The following ASTN2 variants were observed in gnomAD, a reference collection of about 807,000 sequenced individuals.
The protein encoded by ASTN2 is astrotactin 2, also known as astrotactin-2.
A neutral mutation model predicts 139.8 loss-of-function variants in ASTN2; 54 were observed. The ratio of observed to expected loss-of-function variants is 0.39; its 90% confidence interval spans 0.31 to 0.48. The LOEUF (loss-of-function observed/expected upper bound fraction) is 0.48, where lower values mean the gene tolerates loss of function less well. Ranked by LOEUF, ASTN2 falls within the 20% of genes least tolerant of loss-of-function variation. ASTN2 has a pLI of 0.95. For synonymous variants in ASTN2, 756 were observed against 719.5 expected, an observed-to-expected ratio of 1.05 and a Z score of -0.81; for missense variants, 1,565 against 1,725.1, an observed-to-expected ratio of 0.91 and a Z score of 1.64.
At chr9:116,933,005 C>CAAAAAAAAAAAAAAAAA (rs34505075) in intron 10 of ASTN2, among the ~76,000 whole-genome samples, 1 of 70,054 alleles carries the variant, frequency 1.4e-5, no homozygotes. Flanking sequence ...GACTCTGTCT[C>CAAAAAAAAAAAAAAAAA]AAAAAAAAAA....
chr9:116,478,005 T>G, intron 20 of ASTN2, among the ~76,000 whole-genome samples: 2 of 130,070 alleles, frequency 1.5e-5, no homozygotes. Flanking sequence ...GAGGGGGAAA[T>G]AAAAGGCCAG....
intron 2 of ASTN2, among the ~76,000 whole-genome samples, chr9:117,251,162 C>T (rs1158190447): frequency 6.6e-6 from 1 of 152,138 alleles, no homozygotes; most frequent in Non-Finnish European, 1.5e-5. Flanking sequence ...CTCAAGGTCA[C>T]AAATGGAAAG....
At chr9:116,614,492 C>T (rs1855732289) in intron 19 of ASTN2, among the ~76,000 whole-genome samples, 1 of 152,148 alleles carries the variant, frequency 6.6e-6, no homozygotes. Context: ...GCTACAGTAA[C>T]CAAAACGGCA....
At chr9:116,697,155 T>G (rs2132068105) in intron 16 of ASTN2, among the ~76,000 whole-genome samples, 1 of 152,326 alleles carries the variant, frequency 6.6e-6, no homozygotes, top group African/African-American at 2.4e-5. Flanking sequence ...CATGTTATAC[T>G]TATTCCTTTT....
chr9:116,559,484 T>C (rs1313841887), intron 19 of ASTN2, among the ~76,000 whole-genome samples: 1 of 147,630 alleles, frequency 6.8e-6, no homozygotes, highest in African/African-American at 2.5e-5. Flanking sequence ...TATGGTCTTT[T>C]TTCTTTACTC....
chr9:116,582,659 C>T (rs1341733301), intron 19 of ASTN2: 1 of 152,230 alleles, frequency 6.6e-6, no homozygotes, highest in Non-Finnish European at 1.5e-5. Context: ...AGTACTTTCT[C>T]TGTGCACGAA....
chr9:117,226,428 A>C (rs7043911), intron 2 of ASTN2, among the ~76,000 whole-genome samples: 45,316 of 152,176 alleles, frequency 0.3, 8,120 homozygotes, highest in Middle Eastern at 0.43. Flanking sequence ...GGAATCCAAC[A>C]GTGTCTAGAA....
chr9:117,258,864 G>C (rs1833754559), intron 2 of ASTN2, among the ~76,000 whole-genome samples: 1 of 152,056 alleles, frequency 6.6e-6, no homozygotes, highest in Non-Finnish European at 1.5e-5. Context: ...CCCAGAAAAA[G>C]ACACACCAAA....
chr9:116,725,981 C>CCACACTGGAAAAT, intron 15 of ASTN2, 31 bp from the exon 16 acceptor site: 1 of 1,585,624 alleles, frequency 6.3e-7, no homozygotes, highest in Non-Finnish European at 8.6e-7. Flanking sequence ...TGGAGGTGGT[C>CCACACTGGAAAAT]AGATGTGAGA....
At chr9:116,466,821 T>A (rs879681423) in intron 20 of ASTN2, among the ~76,000 whole-genome samples, 3 of 152,134 alleles carry the variant, frequency 2.0e-5, no homozygotes, top group Non-Finnish European at 4.4e-5. Flanking sequence ...CCATAACCCA[T>A]GATTTGTGGG....
At chr9:117,078,081 G>A (rs1828328001) in intron 5 of ASTN2, among the ~76,000 whole-genome samples, 1 of 152,078 alleles carries the variant, frequency 6.6e-6, no homozygotes, top group Non-Finnish European at 1.5e-5. Context: ...CTCCTTCCCA[G>A]GTGAGCTCCT....
intron 3 of ASTN2, among the ~76,000 whole-genome samples, chr9:117,185,350 G>A (rs944822666): frequency 6.2e-4 from 94 of 152,268 alleles, no homozygotes; most frequent in African/African-American, 2.2e-3. Flanking sequence ...TTTGAAGCAA[G>A]GCACACCAGC....
At chr9:116,489,451 C>A (rs930346060) in intron 19 of ASTN2, among the ~76,000 whole-genome samples, 1 of 152,104 alleles carries the variant, frequency 6.6e-6, no homozygotes, top group Non-Finnish European at 1.5e-5. Flanking sequence ...GTCCTCCCAC[C>A]TCAGCTTCCC....
intron 13 of ASTN2, among the ~76,000 whole-genome samples, chr9:116,795,063 G>A (rs1198419092): frequency 3.3e-5 from 5 of 152,102 alleles, no homozygotes; most frequent in African/African-American, 4.8e-5. Flanking sequence ...TGCAATCTCC[G>A]CCTCCTGGGT....
chr9:117,120,165 G>T (rs1207239340), intron 4 of ASTN2, among the ~76,000 whole-genome samples: 3 of 151,126 alleles, frequency 2.0e-5, no homozygotes, highest in Non-Finnish European at 4.4e-5. Context: ...GGAAGAAGGT[G>T]GTGGCTCATT....
chr9:117,288,693 T>C (rs997808557), intron 2 of ASTN2, among the ~76,000 whole-genome samples: 2 of 152,174 alleles, frequency 1.3e-5, no homozygotes, highest in African/African-American at 4.8e-5. Context: ...CTCTTTTTGT[T>C]CTTGCTGCAT....
At chr9:116,445,285 C>G (rs932551784) in intron 20 of ASTN2, among the ~76,000 whole-genome samples, 1 of 152,144 alleles carries the variant, frequency 6.6e-6, no homozygotes, top group Non-Finnish European at 1.5e-5. Context: ...TGGAGTGATG[C>G]TGAGAAAGTG....
chr9:117,345,261 T>C (rs537474204), intron 1 of ASTN2, among the ~76,000 whole-genome samples: 3 of 152,236 alleles, frequency 2.0e-5, no homozygotes, highest in East Asian at 3.9e-4. Flanking sequence ...GAGTACCTAG[T>C]ATGTGTCAGC....
chr9:116,946,859 C>T (rs914714827), intron 10 of ASTN2, among the ~76,000 whole-genome samples: 1 of 151,258 alleles, frequency 6.6e-6, no homozygotes, highest in Non-Finnish European at 1.5e-5. Context: ...TTTCCCCATG[C>T]CACCCCCAAC....
Sources: allele counts gnomAD v4.1 joint callset (sites outside exome capture counted in the v4.1 genomes callset), GRCh38; gene constraint gnomAD v4.1.1; transcripts MANE v1.5; gene names NCBI Gene and HGNC (gene_info 2026-07-23, HGNC 2026-07-21).